The following GATM variants were observed in gnomAD, a reference collection of about 807,000 sequenced individuals.
The protein encoded by GATM is glycine amidinotransferase, mitochondrial.
GATM carries 23 observed loss-of-function variants against 54.2 expected under a neutral mutation model. The ratio of observed to expected loss-of-function variants is 0.42; its 90% CI spans 0.31 to 0.60. GATM has a LOEUF of 0.60. Ranked by LOEUF, GATM falls within the 20% of genes least tolerant of loss-of-function variation. The pLI is 0.14. For missense variants in GATM, 401 were observed against 544.9 expected, an observed-to-expected ratio of 0.74 and a Z score of 2.63; for synonymous variants, 168 against 183.1, an observed-to-expected ratio of 0.92 and a Z score of 0.67.
chr15:45,367,657 A>G (rs1004162192), intron 4 of GATM, among the ~76,000 whole-genome samples: 1 of 152,234 alleles, frequency 6.6e-6, no homozygotes, highest in African/African-American at 2.4e-5. Flanking sequence ...TTTGAACTGT[A>G]GATCAGGTTC....
intron 3 of GATM, among the ~76,000 whole-genome samples, chr15:45,388,827 G>A (rs1222828987): frequency 6.6e-6 from 1 of 152,116 alleles, no homozygotes; most frequent in Non-Finnish European, 1.5e-5. Context: ...GTTGGTTGGT[G>A]TTTTTTCCTT....
intron 2 of GATM, among the ~76,000 whole-genome samples, chr15:45,373,538 A>G (rs1261602534): frequency 6.6e-6 from 1 of 151,882 alleles, no homozygotes; most frequent in African/African-American, 2.4e-5. Flanking sequence ...TATATTTGAT[A>G]GCAGATATTT....
chr15:45,363,961 A>C lies in GATM; in HGVS notation c.1098T>G (p.Asp366Glu). The change falls in exon 8 of 9, where the codon GAT (aspartate) becomes GAG (glutamate). Residue 366 changes from aspartate (D) to glutamate (E), a missense_variant. By Grantham distance (45) the Asp-to-Glu change is conservative. Around this residue, in one of 3 missense-constraint regions of GATM, gnomAD observed 321 missense variants for 457.5 expected, o/e 0.70. Coordinates refer to ENST00000396659, the MANE Select transcript of GATM (RefSeq NM_001482.3). Reference sequence around the variant, plus strand: ...TGGCATCCACCATAACACGTTTTTCATCTAGCATTAAGACATTCATGGAAA... The same window carrying C: ...TGGCATCCACCATAACACGTTTTTCCTCTAGCATTAAGACATTCATGGAAA... ...KWLSMNVLMLDEKRVMVDANE... is the reference protein window; with the variant it reads ...KWLSMNVLMLEEKRVMVDANE... 2 of 1,613,788 alleles carry C rather than the reference A, an allele frequency of 1.2e-6. No individual in the cohort carries two copies. Among genetic ancestry groups the C allele is most frequent in the African/African-American group, 1.3e-5 (1 of 75,054 alleles).
intron 1 of GATM, chr15:45,401,856 G>A (rs1384824735): frequency 6.6e-6 from 1 of 152,550 alleles, no homozygotes; most frequent in African/African-American, 2.4e-5. Flanking sequence ...CTTTCCCATA[G>A]GAAGGGTTGT....
chr15:45,389,279 C>T (rs1889841200), intron 3 of GATM, among the ~76,000 whole-genome samples: 1 of 152,160 alleles, frequency 6.6e-6, no homozygotes, highest in Non-Finnish European at 1.5e-5. Context: ...AACCTTTTTA[C>T]AAAAATTGGT....
intron 2 of GATM, among the ~76,000 whole-genome samples, chr15:45,375,339 G>T (rs369812116): frequency 2.0e-5 from 3 of 152,192 alleles, no homozygotes; most frequent in African/African-American, 7.2e-5. Context: ...AAAGTGTTGG[G>T]ATTACAGGTG....
In GATM at chr15:45,368,384, G is replaced by A; in HGVS notation, c.485-124C>T. The A allele has an allele frequency of 1.3e-6, 1 of 786,922 alleles. No individual in the cohort carries two copies. Among genetic ancestry groups the A allele is most frequent in the Non-Finnish European group, 2.2e-6 (1 of 462,556 alleles). The allele number at this position is 786,922 out of a possible 1,614,324, so 48.7% of individuals were successfully genotyped here. ...CCCACCACTTTGGGAGGCCAAGACG[G>A]GCGGATCACTTGATCCTCTTCAAGA... On this transcript the variant is annotated intron_variant, in intron 3 of 8. Transcript: ENST00000396659. The surrounding 1 kb of genome is among the most constrained non-coding windows in gnomAD (Gnocchi z 5.1).
At position 45,378,447 on chromosome 15, in the gene GATM, G is replaced by A. The variant is rs796052538; in HGVS notation, c.7C>T (p.Arg3Trp). 6.7e-7 allele frequency: 1 copy of A among 1,491,092 alleles called. No individual in the cohort carries two copies. The highest frequency in any genetic ancestry group is 8.9e-7 in the Non-Finnish European group (1 of 1,127,208). The allele number at this position is 1,491,092 out of a possible 1,614,324, so 92.4% of individuals were successfully genotyped here. ML[R>W]VRCLRGGSRG... The stretch of plus-strand genomic sequence containing the variant: ...CTCCCGCCGCGCAGACACCGCACCC[G>A]CAGCATCGCCCTGGCCCGGCTGGTC... Residue 3 changes from arginine to tryptophan, a missense_variant, in exon 1 of 9, where the codon CGG becomes TGG. Coordinates refer to ENST00000396659, the MANE Select transcript of GATM (RefSeq NM_001482.3).
At chr15:45,377,727 G>GC (rs1889663215) in intron 1 of GATM, 1 of 165,052 alleles carries the variant, frequency 6.1e-6, no homozygotes, top group African/African-American at 2.4e-5. Context: ...GAATGTCGGA[G>GC]CGATTCCAGT....
At chr15:45,396,003 G>C (rs1566846927) in intron 3 of GATM, among the ~76,000 whole-genome samples, 1 of 152,176 alleles carries the variant, frequency 6.6e-6, no homozygotes, top group Non-Finnish European at 1.5e-5. Context: ...AGAAGAGCAA[G>C]ACTCATTTTC....
chr15:45,371,033 A>G (rs1437255947), intron 2 of GATM, among the ~76,000 whole-genome samples: 1 of 152,192 alleles, frequency 6.6e-6, no homozygotes, highest in Admixed American at 6.5e-5. Context: ...TCGGCCCCCC[A>G]AAGGGCTGGG....
At chr15:45,375,060 TA>T (rs1476197218) in intron 2 of GATM, among the ~76,000 whole-genome samples, 1 of 151,986 alleles carries the variant, frequency 6.6e-6, no homozygotes, top group Non-Finnish European at 1.5e-5. Flanking sequence ...TAAAAACCAC[TA>T]GGAGTTTTTG....
Position 45,362,148 on chromosome 15 carries a change from A to C in GATM, c.1233T>G (p.Asp411Glu). ...LGGGFHCWTC[D>E]VRRRGTLQSY... ...ACTGTAAGGTGCCTCGGCGCCGGAC[A>C]TCGCAGGTCCAGCAATGGAAGCCTC... The change falls in exon 9 of 9, where the codon GAT becomes GAG. Residue 411 changes from aspartate (D) to glutamate (E), a missense_variant. Coordinates refer to ENST00000396659, the MANE Select transcript of GATM (RefSeq NM_001482.3). 1 of 1,613,982 alleles carries C rather than the reference A, an allele frequency of 6.2e-7. No homozygotes were observed. The highest frequency in any genetic ancestry group is 8.5e-7 in the Non-Finnish European group (1 of 1,179,850).
At chr15:45,400,399 C>T (rs966132987) in intron 1 of GATM, among the ~76,000 whole-genome samples, 5 of 152,118 alleles carry the variant, frequency 3.3e-5, no homozygotes, top group African/African-American at 1.2e-4. Context: ...TAGTTTTGCT[C>T]AGAGTGAGTG....
At chr15:45,369,173 T>C (rs1566840771) in intron 3 of GATM, among the ~76,000 whole-genome samples, 153 bp downstream of exon 3, 1 of 152,222 alleles carries the variant, frequency 6.6e-6, no homozygotes, top group Non-Finnish European at 1.5e-5. Context: ...CATATCAACA[T>C]GGACCAAACC....
intron 5 of GATM, 71 bp downstream of exon 5, chr15:45,366,300 G>C: frequency 6.2e-7 from 1 of 1,605,714 alleles, no homozygotes; most frequent in African/African-American, 1.3e-5. Context: ...AATTTAGGAT[G>C]AAAATATTTT....
intron 1 of GATM, among the ~76,000 whole-genome samples, chr15:45,399,968 T>G (rs1889979351): frequency 2.0e-5 from 3 of 152,256 alleles, no homozygotes; most frequent in African/African-American, 7.2e-5. Flanking sequence ...ATGCCTGTAA[T>G]CTCAGCACTT....
At position 45,386,520 on chromosome 15, in the gene GATM, C is replaced by T. The variant is rs1006268431; in HGVS notation, c.-318-9701G>A. On this transcript the variant is annotated intron_variant, in intron 3 of 4. Coordinates refer to the GATM transcript ENST00000561148. ...GCTCTGGGAGAAAACCTCCCACAGC[C>T]ACCTGGCTCCTCTCATGTCCATACA... Among the ~76,000 whole-genome samples, 39 of 152,180 alleles carry T rather than the reference C, an allele frequency of 2.6e-4. 1 individual carries two copies. Among genetic ancestry groups the T allele is most frequent in the Non-Finnish European group, 4.4e-4 (30 of 68,026 alleles).
intron 2 of GATM, among the ~76,000 whole-genome samples, chr15:45,398,135 T>A (rs572780264): frequency 1.7e-4 from 26 of 152,354 alleles, no homozygotes; most frequent in African/African-American, 6.3e-4. Flanking sequence ...CCCAGTAGAC[T>A]ATAAGCTTCA....
Sources: gnomAD v4.1 joint callset for allele counts (sites outside exome capture counted in the v4.1 genomes callset) on GRCh38, gnomAD v4.1.1 for gene constraint, gnomAD v4.1.1 regional missense constraint, Gnocchi (gnomAD v3.1) non-coding constraint, MANE v1.5 for transcripts, NCBI Gene and HGNC (gene_info 2026-07-23, HGNC 2026-07-21) for gene names.